Variants in TRPM7 observed in about 807,000 individuals in gnomAD.
TRPM7 encodes the protein transient receptor potential cation channel subfamily M member 7.
TRPM7 carries 134 observed loss-of-function variants against 229.7 expected under a neutral mutation model. The observed-to-expected ratio is 0.58, with a 90% CI of 0.51 to 0.67. The LOEUF (loss-of-function observed/expected upper bound fraction) is 0.67, where lower values mean the gene tolerates loss of function less well. Among genes scored for constraint, TRPM7 ranks in the 30% least tolerant of loss-of-function variants. The pLI is 0.00. For synonymous variants in TRPM7, 699 were observed against 715.2 expected (o/e 0.98, Z 0.36); for missense variants, 1,901 against 2,210.0 (o/e 0.86, Z 2.80).
chr15:50,661,919 CAGAAAAA>C (rs2061734459), intron 2 of TRPM7, among the ~76,000 whole-genome samples: 1 of 152,012 alleles, frequency 6.6e-6, no homozygotes, highest in Non-Finnish European at 1.5e-5. Flanking sequence ...CTTTAGGCCT[CAGAAAAA>C]AGAAAAATTT....
At chr15:50,584,851 C>A (rs2054610065) in intron 28 of TRPM7, among the ~76,000 whole-genome samples, 1 of 151,832 alleles carries the variant, frequency 6.6e-6, no homozygotes, top group South Asian at 2.1e-4. Context: ...CCCTCCTAAT[C>A]CTTCTACCAT....
intron 15 of TRPM7, 96 bp downstream of exon 15, chr15:50,613,611 T>C: frequency 8.7e-7 from 1 of 1,146,574 alleles, no homozygotes; most frequent in Non-Finnish European, 1.2e-6. Context: ...AAGGTAATTC[T>C]TACTAAATCA....
rs575894518 is a variant in TRPM7, at chr15:50,650,735, C to T, written c.123-1850G>A. On this transcript the variant is annotated intron_variant, in intron 3 of 38. Coordinates refer to ENST00000646667, the MANE Select transcript of TRPM7 (RefSeq NM_017672.6). ...AAACAAAAAAATCAGACCTAGACAG[C>T]CCATGCCCTGACAAAGTTTAAGAGC... Among the ~76,000 whole-genome samples, 9 of 151,984 alleles carry T rather than the reference C, an allele frequency of 5.9e-5. No individual in the cohort carries two copies. In the East Asian group the frequency reaches 1.7e-3, roughly 29 times the overall value.
chr15:50,612,474 G>T, intron 16 of TRPM7, 75 bp downstream of exon 16: 1 of 1,297,470 alleles, frequency 7.7e-7, no homozygotes, highest in Non-Finnish European at 1.1e-6. Context: ...TTAAGTACGT[G>T]GCACTGTAAC....
Position 50,643,322 on chromosome 15 carries a change from G to C in TRPM7, c.535+18C>G, listed in dbSNP as rs116730988. The C allele has an allele frequency of 2.7e-3, 4,281 of 1,594,242 alleles. 114 individuals are homozygous for C. In the African/African-American group the frequency reaches 0.052, roughly 19 times the overall value. On this transcript the variant is annotated intron_variant, in intron 5 of 38. Transcript: ENST00000646667. ...AATTAAAACACACTAAATAAAATTG[G>C]TATAATCATCACATTACCTGTGTTT...
chr15:50,679,894 C>T (rs113761943), intron 1 of TRPM7, among the ~76,000 whole-genome samples: 1,549 of 152,124 alleles, frequency 0.01, 38 homozygotes, highest in African/African-American at 0.036. Context: ...AATGACTTTT[C>T]TAATCTACTA....
Position 50,631,507 on chromosome 15 carries a change from T to C in TRPM7, c.1132-18A>G, listed in dbSNP as rs2140656528. On this transcript the variant is annotated intron_variant, in intron 9 of 38. Transcript: ENST00000646667. ...ACAGTGATCTATTTAAAGATAAATT[T>C]ATAACATTATGCCTTTATATTTTTA... is the stretch of plus-strand genomic sequence containing the variant. 6.6e-7 allele frequency: 1 copy of C among 1,515,338 alleles called. No homozygotes were observed. Among genetic ancestry groups the C allele is most frequent in the South Asian group, 1.1e-5 (1 of 87,822 alleles). 93.9% of individuals were successfully genotyped at this position (1,515,338 alleles called of 1,614,324 possible). A position where few individuals can be genotyped will look rare whatever the true frequency, so the allele number is the denominator to read the frequency against.
chr15:50,588,435 TATG>T lies in TRPM7; in HGVS notation c.4389+1154_4389+1156del, dbSNP rs1327079738. ...ATTTAGTACAATACTTTAATCAAAA[TATG>T]ATAATAAAAATACAAAATGTTACAA... is the stretch of plus-strand genomic sequence containing the variant. On this transcript the variant is annotated intron_variant, in intron 27 of 38. Coordinates refer to ENST00000646667, the MANE Select transcript of TRPM7 (RefSeq NM_017672.6). Among the ~76,000 whole-genome samples, 13 of 152,138 alleles carry T rather than the reference TATG, an allele frequency of 8.5e-5. 1 individual carries two copies. Among genetic ancestry groups the T allele is most frequent in the East Asian group, 3.8e-4 (2 of 5,206 alleles).
intron 38 of TRPM7, among the ~76,000 whole-genome samples, chr15:50,563,872 T>C (rs2053442404): frequency 6.6e-6 from 1 of 152,124 alleles, no homozygotes; most frequent in Non-Finnish European, 1.5e-5. Context: ...AATTCTTCTT[T>C]TTTTTTTGAG....
chr15:50,648,160 T>A (rs909270481), intron 4 of TRPM7, among the ~76,000 whole-genome samples: 1 of 152,134 alleles, frequency 6.6e-6, no homozygotes, highest in African/African-American at 2.4e-5. Flanking sequence ...CTATTGATAA[T>A]CTGTAGACTT....
chr15:50,593,218 G>T (rs2059549964), intron 25 of TRPM7, among the ~76,000 whole-genome samples: 1 of 152,094 alleles, frequency 6.6e-6, no homozygotes, highest in South Asian at 2.1e-4. Flanking sequence ...GAACCTGGGA[G>T]GCGGAAGTTG....
chr15:50,676,626 AG>A (rs1297989968), intron 1 of TRPM7, among the ~76,000 whole-genome samples: 1 of 152,080 alleles, frequency 6.6e-6, no homozygotes, highest in Non-Finnish European at 1.5e-5. Flanking sequence ...AAAAGCAAGC[AG>A]AAACCAGACG....
At chr15:50,610,557 TATAAG>T (rs993896968) in intron 17 of TRPM7, among the ~76,000 whole-genome samples, 6 of 152,122 alleles carry the variant, frequency 3.9e-5, no homozygotes, top group African/African-American at 1.4e-4. Context: ...TTTTAAAAGA[TATAAG>T]ATAACAAAAA....
chr15:50,646,452 T>A (rs1244555353), intron 4 of TRPM7, among the ~76,000 whole-genome samples: 1 of 152,068 alleles, frequency 6.6e-6, no homozygotes, highest in Non-Finnish European at 1.5e-5. Flanking sequence ...CCAGCTAATA[T>A]TTTTGAATTT....
chr15:50,585,195 G>T (rs940563561), intron 28 of TRPM7, among the ~76,000 whole-genome samples: 6 of 151,910 alleles, frequency 3.9e-5, no homozygotes, highest in African/African-American at 1.5e-4. Flanking sequence ...CCGAGTAGCT[G>T]GGACTACAGG....
In TRPM7 at chr15:50,632,993, C is replaced by T; in HGVS notation, c.1008-1G>A. On this transcript the variant is annotated splice_acceptor_variant, in intron 8 of 38. Coordinates refer to ENST00000646667, the MANE Select transcript of TRPM7 (RefSeq NM_017672.6). LOFTEE classifies it high-confidence loss of function. ...GGGCTCTGCTGCATCAGGAAGATTCCTGGAATAAAAGGAAACATAATTCAC... is the reference window on the plus strand; with the variant it reads ...GGGCTCTGCTGCATCAGGAAGATTCTTGGAATAAAAGGAAACATAATTCAC... 6.3e-7 allele frequency: 1 copy of T among 1,578,974 alleles called. No individual in the cohort carries two copies. The highest frequency in any genetic ancestry group is 8.5e-7 in the Non-Finnish European group (1 of 1,170,008).
At chr15:50,679,735 A>G (rs925518915) in intron 1 of TRPM7, among the ~76,000 whole-genome samples, 4 of 150,876 alleles carry the variant, frequency 2.7e-5, no homozygotes, top group South Asian at 2.1e-4. Context: ...GGGGTTATCT[A>G]CGTTGGCCAG....
chr15:50,570,290 G>A (rs1455364099), intron 36 of TRPM7, 135 bp from the exon 37 acceptor site: 1 of 645,564 alleles, frequency 1.5e-6, no homozygotes, highest in East Asian at 2.9e-5. Context: ...CTATTCAAAG[G>A]AGTGTAGTTC....
rs534049015 is a variant in TRPM7 at position 50,674,040 on chromosome 15, G to C, written c.4-10994C>G. On this transcript the variant is annotated intron_variant, in intron 1 of 38. Coordinates refer to ENST00000646667, the MANE Select transcript of TRPM7 (RefSeq NM_017672.6). ...GTTTTACTCTGTCGCCCAGGCTGGA[G>C]GGCAATGGCATGATCTCGGCTCACT... 2.0e-5 allele frequency among the ~76,000 whole-genome samples: 3 copies of C among 152,282 alleles called. No individual in the cohort carries two copies. The East Asian group carries it at 5.8e-4, about 29-fold the overall frequency.
Sources: allele counts gnomAD v4.1 joint callset (sites outside exome capture counted in the v4.1 genomes callset), GRCh38; gene constraint gnomAD v4.1.1; transcripts MANE v1.5; gene names NCBI Gene and HGNC (gene_info 2026-07-23, HGNC 2026-07-21).